Variants in RTL4 observed in about 807,000 individuals in gnomAD.
The protein encoded by RTL4 is retrotransposon Gag-like protein 4.
Under a neutral mutation model 5.3 loss-of-function variants are expected in RTL4, and 4 were observed. The observed-to-expected ratio is 0.75, with a 90% CI of 0.37 to 1.72. The LOEUF (loss-of-function observed/expected upper bound fraction) is 1.72, where lower values mean the gene tolerates loss of function less well. RTL4 is among the 40% of genes most tolerant of loss of function. RTL4 has a pLI of 0.04. For synonymous variants in RTL4, 98 were observed against 87.3 expected (o/e 1.12, Z -0.68); for missense variants, 260 against 227.1 (o/e 1.14, Z -0.93).
At chrX:112,323,182 T>A in the RTL4 span, among the ~76,000 whole-genome samples, 1 of 112,449 alleles carries the variant, frequency 8.9e-6, no homozygotes, top group Admixed American at 9.4e-5. Context: ...ATTTTCAACT[T>A]TGTCAGTTTG....
chrX:112,128,434 C>T, the RTL4 span, among the ~76,000 whole-genome samples: 1 of 110,790 alleles, frequency 9.0e-6, no homozygotes, highest in Non-Finnish European at 1.9e-5. Context: ...GAGGCCGAGG[C>T]GGGCGGATTA....
chrX:112,109,973 G>A, the RTL4 span, among the ~76,000 whole-genome samples: 1 of 111,860 alleles, frequency 8.9e-6, no homozygotes, highest in Non-Finnish European at 1.9e-5. Context: ...ACCATCTGTA[G>A]CTTACTGGCC....
the RTL4 span, among the ~76,000 whole-genome samples, chrX:112,086,129 A>G: frequency 9.0e-6 from 1 of 111,404 alleles, no homozygotes; most frequent in Non-Finnish European, 1.9e-5. Flanking sequence ...TCTATTTCCT[A>G]TTTGTCCCCA....
chrX:112,115,797 CG>C, the RTL4 span, among the ~76,000 whole-genome samples: 6 of 111,934 alleles, frequency 5.4e-5, no homozygotes, highest in Non-Finnish European at 9.4e-5. Context: ...TTTTTAGAAG[CG>C]GGACTAGCCT....
the RTL4 span, among the ~76,000 whole-genome samples, chrX:112,266,667 T>C: frequency 9.0e-6 from 1 of 111,469 alleles, no homozygotes; most frequent in Non-Finnish European, 1.9e-5. Context: ...CCATTTGACA[T>C]GGTCTTTTGC....
the RTL4 span, among the ~76,000 whole-genome samples, chrX:112,124,002 C>G: frequency 2.7e-5 from 3 of 110,522 alleles, no homozygotes; most frequent in Admixed American, 2.9e-4. Flanking sequence ...AAAAAAAAAC[C>G]TCATAAAAAA....
the RTL4 span, among the ~76,000 whole-genome samples, chrX:112,145,470 GTCTC>G: frequency 1.3e-4 from 15 of 111,137 alleles, no homozygotes; most frequent in Non-Finnish European, 2.8e-4. Flanking sequence ...GTCAAGTTGA[GTCTC>G]TAAGTTTCTT....
the RTL4 span, among the ~76,000 whole-genome samples, chrX:112,196,942 G>T: frequency 1.8e-5 from 2 of 109,704 alleles, no homozygotes; most frequent in South Asian, 4.0e-4. Flanking sequence ...TTTGATAATG[G>T]CCATGCTAAC....
the RTL4 span, among the ~76,000 whole-genome samples, chrX:112,183,582 G>A: frequency 6.2e-5 from 7 of 112,037 alleles, no homozygotes; most frequent in South Asian, 2.2e-3. Context: ...TTACATAATC[G>A]TAAAGGGATC....
chrX:112,248,156 G>C, the RTL4 span, among the ~76,000 whole-genome samples: 1 of 112,263 alleles, frequency 8.9e-6, no homozygotes, highest in Non-Finnish European at 1.9e-5. Flanking sequence ...ACTACAGATA[G>C]CTATAATTAT....
chrX:112,388,729 G>A, the RTL4 span, among the ~76,000 whole-genome samples: 6 of 112,165 alleles, frequency 5.3e-5, no homozygotes, highest in East Asian at 1.4e-3. Context: ...GAGTTATGTA[G>A]GTTGAACCAA....
At chrX:112,250,410 G>A in the RTL4 span, among the ~76,000 whole-genome samples, 2 of 111,555 alleles carry the variant, frequency 1.8e-5, no homozygotes, top group South Asian at 3.7e-4. Flanking sequence ...ATTGTCTGTC[G>A]CTATAGCTGT....
chrX:112,310,691 T>A, the RTL4 span, among the ~76,000 whole-genome samples: 1 of 70,324 alleles, frequency 1.4e-5, no homozygotes, highest in Non-Finnish European at 2.4e-5. Context: ...TATATATTTA[T>A]ATATTATATA....
the RTL4 span, among the ~76,000 whole-genome samples, chrX:112,264,374 C>T: frequency 9.0e-6 from 1 of 111,141 alleles, no homozygotes; most frequent in Non-Finnish European, 1.9e-5. Flanking sequence ...TCCACACACA[C>T]TGTAGGTGCC....
the RTL4 span, among the ~76,000 whole-genome samples, chrX:112,201,129 C>T: frequency 9.0e-6 from 1 of 111,089 alleles, no homozygotes; most frequent in Non-Finnish European, 1.9e-5. Context: ...CTTCACAAGG[C>T]GGCAAGAAGA....
At chrX:112,396,261 C>A in the RTL4 span, among the ~76,000 whole-genome samples, 8 of 110,726 alleles carry the variant, frequency 7.2e-5, no homozygotes, top group Non-Finnish European at 1.5e-4. Context: ...CTGTCCCTCT[C>A]CCAAATGCAC....
At chrX:112,215,996 G>C in the RTL4 span, among the ~76,000 whole-genome samples, 1 of 111,692 alleles carries the variant, frequency 9.0e-6, no homozygotes, top group African/African-American at 3.3e-5. Flanking sequence ...ATAAAAATCA[G>C]GGGGTTGCAC....
At chrX:112,340,268 C>A in the RTL4 span, among the ~76,000 whole-genome samples, 4 of 111,398 alleles carry the variant, frequency 3.6e-5, no homozygotes, top group African/African-American at 1.3e-4. Context: ...TCCATGAACA[C>A]AGTCCTAGCC....
the RTL4 span, among the ~76,000 whole-genome samples, chrX:112,432,028 A>G: frequency 4.8e-5 from 5 of 103,699 alleles, no homozygotes; most frequent in Non-Finnish European, 9.9e-5. Flanking sequence ...ATGATTTCCA[A>G]TTTCATCCAT....
Sources: gnomAD v4.1 joint callset for allele counts (sites outside exome capture counted in the v4.1 genomes callset) on GRCh38, gnomAD v4.1.1 for gene constraint, MANE v1.5 for transcripts, NCBI Gene and HGNC (gene_info 2026-07-23, HGNC 2026-07-21) for gene names.